Variants in STAB2 observed in about 807,000 individuals in gnomAD.
STAB2 encodes stabilin-2.
A neutral mutation model predicts 338.1 loss-of-function variants in STAB2; 288 were observed. The ratio of observed to expected loss-of-function variants is 0.85; its 90% CI spans 0.77 to 0.94. The LOEUF (loss-of-function observed/expected upper bound fraction) is 0.94. STAB2 is among the 40% of genes least tolerant of loss of function. The probability of loss-of-function intolerance (pLI) is 0.00; values close to 1 mark genes in which losing one functional copy is unlikely to be tolerated. For missense variants in STAB2, 3,141 were observed against 3,210.1 expected (o/e 0.98, Z 0.52); for synonymous variants, 1,202 against 1,193.3 (o/e 1.01, Z -0.15).
chr12:103,706,732 C>T (rs746143261), intron 37 of STAB2, 60 bp from the exon 38 acceptor site: 9 of 1,599,354 alleles, frequency 5.6e-6, no homozygotes, highest in East Asian at 2.2e-5. Context: ...ATTTCTACAC[C>T]GAGGCTGGAC....
chr12:103,676,858 A>C (rs1280265962), intron 24 of STAB2, among the ~76,000 whole-genome samples: 1 of 152,148 alleles, frequency 6.6e-6, no homozygotes, highest in African/African-American at 2.4e-5. Context: ...CCCCTTCAGT[A>C]ATTTCCTCTG....
At chr12:103,746,056 T>C (rs1043883494) in intron 57 of STAB2, among the ~76,000 whole-genome samples, 1 of 152,160 alleles carries the variant, frequency 6.6e-6, no homozygotes, top group Non-Finnish European at 1.5e-5. Flanking sequence ...TGAAGTTTCA[T>C]GGGTTGCAGC....
rs375302805 is a variant in STAB2, at chr12:103,692,836, A to G, written c.3322A>G (p.Ile1108Val). 3.9e-5 allele frequency: 63 copies of G among 1,613,558 alleles called. No individual in the cohort carries two copies. The highest frequency in any genetic ancestry group is 5.3e-5 in the Non-Finnish European group (62 of 1,179,726). Residue 1108 changes from isoleucine to valine, a missense_variant, in exon 31 of 69, where the codon ATT becomes GTT. Transcript: ENST00000388887. ...GAATATCACAATTGAAGGGGCCTCCATTGTCGATGGGGACAACGCAGCCAC... is the reference window on the plus strand; with the variant it reads ...GAATATCACAATTGAAGGGGCCTCCGTTGTCGATGGGGACAACGCAGCCAC... ...DGNITIEGAS[I>V]VDGDNAATNG...
At chr12:103,608,644 C>T (rs974277291) in intron 3 of STAB2, among the ~76,000 whole-genome samples, 4 of 152,212 alleles carry the variant, frequency 2.6e-5, no homozygotes, top group African/African-American at 9.7e-5. Flanking sequence ...GTTGCCTATT[C>T]ACTCTGACGG....
Position 103,685,469 on chromosome 12 carries a change from T to TGCGTGC in STAB2, c.2997+386_2997+387insCGTGCG, listed in dbSNP as rs1555238766. Among the ~76,000 whole-genome samples the TGCGTGC allele has an allele frequency of 1.1e-4, 16 of 140,812 alleles. No homozygotes were observed. In the East Asian group the frequency reaches 1.7e-3, roughly 15 times the overall value. 92.4% of individuals were successfully genotyped at this position (140,812 alleles called of 152,430 possible). A position where few individuals can be genotyped will look rare whatever the true frequency, so the allele number is the denominator to read the frequency against. On this transcript the variant is annotated intron_variant, in intron 27 of 68. Transcript: ENST00000388887. ...GTGTGTGTGTGCGCGTGCGTGTGTGTGTGCGTGCGCGCATGTGTGTGTGTG... is the reference window on the plus strand; with the variant it reads ...GTGTGTGTGTGCGCGTGCGTGTGTGTGCGTGCGTGCGTGCGCGCATGTGTGTGTGTG...
Position 103,737,780 on chromosome 12 carries a change from G to T in STAB2, c.5697G>T (p.Ser1899=), listed in dbSNP as rs144027784. The T allele has an allele frequency of 6.2e-7, 1 of 1,613,476 alleles. No homozygotes were observed. Among genetic ancestry groups the T allele is most frequent in the Non-Finnish European group, 8.5e-7 (1 of 1,179,846 alleles). The stretch of plus-strand genomic sequence containing the variant: ...ACACCTTTACTACTTTCGATGCCTC[G>T]GTCAGTCCTAAAAACAACAGTGTAG... ...RCDTFTTFDA[S]GECGSCVNTP... is the part of the protein sequence containing the mutation. Residue 1899 remains serine (S), a splice_region_variant and synonymous_variant, in exon 53 of 69, where the codon TCG becomes TCT. Coordinates refer to ENST00000388887, the MANE Select transcript of STAB2 (RefSeq NM_017564.10).
intron 11 of STAB2, 53 bp from the exon 12 acceptor site, chr12:103,652,503 A>C (rs187372439): frequency 1.3e-6 from 2 of 1,497,284 alleles, no homozygotes; most frequent in Non-Finnish European, 1.8e-6. Context: ...AGCATGTGTT[A>C]CAAAACTCAT....
chr12:103,713,408 TTCATCCCCAGGTGTG>T (rs999504499), intron 41 of STAB2, among the ~76,000 whole-genome samples: 2 of 152,192 alleles, frequency 1.3e-5, no homozygotes, highest in Non-Finnish European at 2.9e-5. Flanking sequence ...TAGACTCACC[TTCATCCCCAGGTGTG>T]TCCTGCAGTA....
At position 103,629,691 on chromosome 12, in the gene STAB2, T is replaced by C. The variant is rs568360905; in HGVS notation, c.488-1907T>C. ...CATTTCCTGCTGCTTCCACCTGGCA[T>C]GGTCTTCCCTGGGCCAACCCCACTT... is the stretch of plus-strand genomic sequence containing the variant. On this transcript the variant is annotated intron_variant, in intron 5 of 68. Coordinates refer to ENST00000388887, the MANE Select transcript of STAB2 (RefSeq NM_017564.10). Among the ~76,000 whole-genome samples the C allele has an allele frequency of 2.6e-5, 4 of 152,334 alleles. No individual in the cohort carries two copies. In the East Asian group the frequency reaches 7.7e-4, roughly 29 times the overall value.
At chr12:103,588,101 C>T (rs1016704090) in intron 1 of STAB2, among the ~76,000 whole-genome samples, 3 of 152,186 alleles carry the variant, frequency 2.0e-5, no homozygotes, top group African/African-American at 7.2e-5. Context: ...AACCCTCAAG[C>T]AAGCTCACCG....
rs1338143218 is a variant in STAB2, at chr12:103,650,565, T to C, written c.1244T>C (p.Leu415Pro). Residue 415 changes from leucine to proline, a missense_variant, in exon 11 of 69, where the codon CTG becomes CCG. Coordinates refer to ENST00000388887, the MANE Select transcript of STAB2 (RefSeq NM_017564.10). Reference sequence around the variant, plus strand: ...GTGCTGTTACCTACAGACAAGGGACTGAAAGGATTCAATGTGAGTATTTAA... The same window carrying C: ...GTGCTGTTACCTACAGACAAGGGACCGAAAGGATTCAATGTGAGTATTTAA... ...FTVLLPTDKGLKGFNVNELLV... is the reference protein window; with the variant it reads ...FTVLLPTDKGPKGFNVNELLV... The C allele has an allele frequency of 6.2e-7, 1 of 1,612,958 alleles. No individual in the cohort carries two copies. Among genetic ancestry groups the C allele is most frequent in the South Asian group, 1.1e-5 (1 of 91,056 alleles).
intron 22 of STAB2, among the ~76,000 whole-genome samples, chr12:103,671,895 A>G (rs1327086513): frequency 6.6e-6 from 1 of 152,188 alleles, no homozygotes; most frequent in Non-Finnish European, 1.5e-5. Context: ...TATTTTTGAC[A>G]TATATTTCTA....
intron 56 of STAB2, among the ~76,000 whole-genome samples, chr12:103,743,295 T>C (rs1882740510): frequency 6.6e-6 from 1 of 152,162 alleles, no homozygotes; most frequent in South Asian, 2.1e-4. Flanking sequence ...AGTGCTGGGA[T>C]TACAGGTGTG....
chr12:103,748,406 G>A (rs1026038541), intron 58 of STAB2, among the ~76,000 whole-genome samples: 1 of 152,162 alleles, frequency 6.6e-6, no homozygotes, highest in Non-Finnish European at 1.5e-5. Flanking sequence ...AGGCAGCACA[G>A]TGAGGAAAGC....
In STAB2 at chr12:103,755,363, C is replaced by G; in HGVS notation, c.6776C>G (p.Ala2259Gly). Residue 2259 changes from alanine to glycine, a missense_variant, in exon 62 of 69, where the codon GCC becomes GGC. Ala to Gly is a moderately conservative substitution (Grantham distance 60). Transcript: ENST00000388887. ...LETGRVAYPT[A>G]FASQNCGSGV... Reference sequence around the variant, plus strand: ...ACCGGGCGGGTTGCCTACCCCACAGCCTTCGCCTCCCAGAACTGTGGCTCT... The same window carrying G: ...ACCGGGCGGGTTGCCTACCCCACAGGCTTCGCCTCCCAGAACTGTGGCTCT... 6.2e-7 allele frequency: 1 copy of G among 1,614,154 alleles called. No homozygotes were observed. The highest frequency in any genetic ancestry group is 8.5e-7 in the Non-Finnish European group (1 of 1,180,034).
chr12:103,668,285 G>A (rs903572050), intron 19 of STAB2, among the ~76,000 whole-genome samples: 2 of 152,036 alleles, frequency 1.3e-5, no homozygotes, highest in African/African-American at 2.4e-5. Flanking sequence ...GCTCCAAAAT[G>A]TCTCTGTAGG....
chr12:103,674,082 A>C lies in STAB2; in HGVS notation c.2547A>C (p.Thr849=). 1.2e-6 allele frequency: 2 copies of C among 1,608,988 alleles called. No homozygotes were observed. Among genetic ancestry groups the C allele is most frequent in the Non-Finnish European group, 1.7e-6 (2 of 1,175,988 alleles). The part of the protein sequence containing the change: ...IHATCEYSNG[T]ASCICKAGYE... The stretch of plus-strand genomic sequence containing the variant: ...CCACCTGTGAATACAGCAATGGGAC[A>C]GCCAGGTAGGTCTGTGAGGGAATGG... The change falls in exon 23 of 69, where the codon ACA becomes ACC. Residue 849 remains threonine, a synonymous_variant. Coordinates refer to ENST00000388887, the MANE Select transcript of STAB2 (RefSeq NM_017564.10).
chr12:103,722,924 G>A (rs535096823), intron 44 of STAB2, among the ~76,000 whole-genome samples: 45 of 152,206 alleles, frequency 3.0e-4, no homozygotes, highest in Admixed American at 1.1e-3. Flanking sequence ...ACGTAGTGTC[G>A]GTCAGTATAT....
intron 31 of STAB2, among the ~76,000 whole-genome samples, chr12:103,694,952 T>A (rs1878270813): frequency 6.6e-6 from 1 of 152,118 alleles, no homozygotes; most frequent in South Asian, 2.1e-4. Context: ...AAGTGGCTGC[T>A]GCTACTCTCT....
Sources: allele counts gnomAD v4.1 joint callset (sites outside exome capture counted in the v4.1 genomes callset), GRCh38; gene constraint gnomAD v4.1.1; transcripts MANE v1.5; gene names NCBI Gene and HGNC (gene_info 2026-07-23, HGNC 2026-07-21).